The following KRT86 variants were observed in gnomAD, a reference collection of about 807,000 sequenced individuals.
The protein encoded by KRT86 is keratin, type II cuticular Hb6.
A neutral mutation model predicts 41.2 loss-of-function variants in KRT86; 30 were observed. The ratio of observed to expected loss-of-function variants is 0.73; its 90% CI spans 0.54 to 0.99. The LOEUF (loss-of-function observed/expected upper bound fraction) is 0.99, where lower values mean the gene tolerates loss of function less well. KRT86 is among the 50% of genes least tolerant of loss of function. The pLI, the probability that KRT86 is intolerant of heterozygous loss-of-function variation, is 0.00. For missense variants in KRT86, 561 were observed against 571.4 expected (o/e 0.98, Z 0.19); for synonymous variants, 238 against 238.1 (o/e 1.00, Z 0.00).
chr12:52,275,374 T>A (rs528287668), intron 1 of KRT86, among the ~76,000 whole-genome samples: 1 of 152,360 alleles, frequency 6.6e-6, no homozygotes, highest in East Asian at 1.9e-4. Flanking sequence ...ATTAAGGACA[T>A]TTCTTCCTAA....
At chr12:52,288,259 C>G (rs1392797560) in intron 2 of KRT86, 8 of 1,601,312 alleles carry the variant, frequency 5.0e-6, no homozygotes, top group Non-Finnish European at 6.8e-6. Context: ...CCTCACACAG[C>G]CTCAGGGACT....
intron 9 of KRT86, among the ~76,000 whole-genome samples, chr12:52,307,823 G>A (rs1938551148): frequency 6.6e-6 from 1 of 152,224 alleles, no homozygotes; most frequent in Non-Finnish European, 1.5e-5. Flanking sequence ...AGTTAAATCT[G>A]CTCCCCTCAA....
chr12:52,297,920 A>G (rs889761006), intron 2 of KRT86, among the ~76,000 whole-genome samples: 10 of 152,246 alleles, frequency 6.6e-5, no homozygotes, highest in African/African-American at 2.4e-4. Context: ...CCCATCCTCA[A>G]CCTCATGAAA....
At chr12:52,288,355 C>G (rs750765059) in intron 2 of KRT86, 15 of 1,614,010 alleles carry the variant, frequency 9.3e-6, no homozygotes, top group Non-Finnish European at 1.3e-5. Flanking sequence ...GCCCCTGAGC[C>G]CGCACCTCCT....
intron 2 of KRT86, chr12:52,287,398 C>T: frequency 2.5e-6 from 4 of 1,588,400 alleles, no homozygotes; most frequent in Non-Finnish European, 3.4e-6. Context: ...AGACCACACT[C>T]CCCACCAAGC....
intron 2 of KRT86, among the ~76,000 whole-genome samples, chr12:52,301,099 T>A (rs1268858242): frequency 6.6e-6 from 1 of 151,692 alleles, no homozygotes; most frequent in Non-Finnish European, 1.5e-5. Flanking sequence ...TGTGTGTGTG[T>A]GAGATGGTGG....
intron 2 of KRT86, chr12:52,286,782 A>C: frequency 5.6e-6 from 9 of 1,613,902 alleles, no homozygotes; most frequent in Non-Finnish European, 7.6e-6. Context: ...CTGGACCCCA[A>C]ATACTCACAG....
In KRT86 at chr12:52,308,438, C is replaced by A; in HGVS notation, c.1314C>A (p.Gly438=). ...VSSSRGGVVC[G]DLCASTTAPV... is the part of the protein sequence containing the mutation. ...GCTCCCGCGGTGGCGTTGTCTGTGG[C>A]GATCTCTGCGCCTCCACTACTGCCC... The change falls in exon 11 of 11, where the codon GGC becomes GGA. Residue 438 remains glycine (G), a synonymous_variant. Coordinates refer to ENST00000423955, the MANE Select transcript of KRT86 (RefSeq NM_001320198.2). 2 of 1,611,744 alleles carry A rather than the reference C, an allele frequency of 1.2e-6. No individual in the cohort carries two copies. Among genetic ancestry groups the A allele is most frequent in the South Asian group, 1.1e-5 (1 of 91,010 alleles).
chr12:52,279,700 A>C (rs1937728620), intron 2 of KRT86, among the ~76,000 whole-genome samples: 2 of 152,216 alleles, frequency 1.3e-5, no homozygotes, highest in South Asian at 4.1e-4. Flanking sequence ...TGATGATTCG[A>C]TATTATAGAA....
chr12:52,304,623 G>T (rs1213684508), intron 5 of KRT86, among the ~76,000 whole-genome samples: 2 of 151,864 alleles, frequency 1.3e-5, no homozygotes, highest in Non-Finnish European at 2.9e-5. Flanking sequence ...GACAGGAAAG[G>T]GTCAGGGTGT....
chr12:52,304,829 G>A, intron 5 of KRT86, 103 bp from the exon 6 acceptor site: 2 of 1,267,164 alleles, frequency 1.6e-6, no homozygotes, highest in Non-Finnish European at 2.3e-6. Context: ...ATGAGACACT[G>A]GGGACTCCTT....
intron 2 of KRT86, chr12:52,285,792 G>A (rs1050607249): frequency 2.0e-5 from 4 of 197,964 alleles, no homozygotes; most frequent in East Asian, 1.3e-4. Context: ...TCTATGAGGC[G>A]GGGGATAGAA....
intron 2 of KRT86, among the ~76,000 whole-genome samples, chr12:52,284,505 A>T (rs1040970323): frequency 1.6e-4 from 24 of 152,152 alleles, no homozygotes; most frequent in African/African-American, 5.6e-4. Flanking sequence ...CCAGCTTCTG[A>T]GCTGTGTGAT....
chr12:52,287,676 G>T lies in KRT86; in HGVS notation c.-5+11730G>T, dbSNP rs4761786. ...TCATTGATCTCCTCCTTGGTGCGGC[G>T]CAGGGTCTCCCCGTGCCTGATCACC... is the stretch of plus-strand genomic sequence containing the variant. On this transcript the variant is annotated intron_variant, in intron 2 of 10. Coordinates refer to ENST00000423955, the MANE Select transcript of KRT86 (RefSeq NM_001320198.2). 1.2e-5 allele frequency: 20 copies of T among 1,613,722 alleles called. No individual in the cohort carries two copies. In the Middle Eastern group the frequency reaches 4.9e-4, roughly 40 times the overall value.
chr12:52,286,018 C>G, intron 2 of KRT86: 1 of 568,762 alleles, frequency 1.8e-6, no homozygotes. Context: ...CCTTCCTGCT[C>G]CTGAGGCCCC....
chr12:52,298,377 C>T (rs894391062), intron 2 of KRT86, among the ~76,000 whole-genome samples: 2 of 152,204 alleles, frequency 1.3e-5, no homozygotes, highest in Non-Finnish European at 2.9e-5. Context: ...AAACATTGTC[C>T]ATGCATTATT....
intron 2 of KRT86, among the ~76,000 whole-genome samples, chr12:52,297,271 A>AT (rs1938272370): frequency 6.6e-6 from 1 of 152,218 alleles, no homozygotes; most frequent in Non-Finnish European, 1.5e-5. Flanking sequence ...ATCTGACAGT[A>AT]TGTATGAAAA....
At chr12:52,296,388 G>C (rs1405347290) in intron 2 of KRT86, among the ~76,000 whole-genome samples, 1 of 152,110 alleles carries the variant, frequency 6.6e-6, no homozygotes, top group African/African-American at 2.4e-5. Flanking sequence ...AGTGTGTGTA[G>C]GCCCACTGGA....
In KRT86 at chr12:52,284,112, T is replaced by C. The variant is rs1340070785; in HGVS notation, c.-5+8166T>C. Among the ~76,000 whole-genome samples the C allele has an allele frequency of 3.9e-5, 6 of 152,174 alleles. No individual in the cohort carries two copies. In the East Asian group the frequency reaches 1.2e-3, roughly 29 times the overall value. On this transcript the variant is annotated intron_variant, in intron 2 of 10. Coordinates refer to ENST00000423955, the MANE Select transcript of KRT86 (RefSeq NM_001320198.2). ...CAGGACTGGAGTTGTAGTTGGCTTC[T>C]GAACTAGGGAGGGATGGAGCTGGTG...
Sources: allele counts gnomAD v4.1 joint callset (sites outside exome capture counted in the v4.1 genomes callset), GRCh38; gene constraint gnomAD v4.1.1; transcripts MANE v1.5; gene names NCBI Gene and HGNC (gene_info 2026-07-23, HGNC 2026-07-21).